The following KALRN variants were observed in gnomAD, a reference collection of about 807,000 sequenced individuals.
KALRN encodes the protein kalirin RhoGEF kinase, also known as kalirin.
A neutral mutation model predicts 353.7 loss-of-function variants in KALRN; 70 were observed. That is an observed-to-expected ratio of 0.20 (90% confidence interval 0.16 to 0.24). The LOEUF is 0.24. Ranked by LOEUF, KALRN falls within the 10% of genes least tolerant of loss-of-function variation. KALRN has a pLI of 1.00. For synonymous variants in KALRN, 1,391 were observed against 1,434.8 expected, an observed-to-expected ratio of 0.97 and a Z score of 0.69; for missense variants, 2,791 against 3,756.7, an observed-to-expected ratio of 0.74 and a Z score of 6.72.
chr3:124,235,705 C>G (rs1307783064), intron 3 of KALRN, among the ~76,000 whole-genome samples: 2 of 152,176 alleles, frequency 1.3e-5, no homozygotes, highest in African/African-American at 2.4e-5. Flanking sequence ...CCGGTGCTCT[C>G]TCACCATCTT....
At chr3:124,410,784 G>A (rs1163818894) in intron 13 of KALRN, among the ~76,000 whole-genome samples, 3 of 152,034 alleles carry the variant, frequency 2.0e-5, no homozygotes, top group Non-Finnish European at 4.4e-5. Flanking sequence ...GAAATCTGAT[G>A]GTTCCCTTAT....
chr3:124,257,734 GTGGCTGCCTTCTCCC>G (rs2072237047), intron 3 of KALRN, among the ~76,000 whole-genome samples: 1 of 152,218 alleles, frequency 6.6e-6, no homozygotes, highest in Admixed American at 6.5e-5. Flanking sequence ...AGACAGGGCA[GTGGCTGCCTTCTCCC>G]TCTCAAGTAG....
chr3:124,672,878 C>G (rs1275752909), intron 48 of KALRN, among the ~76,000 whole-genome samples: 1 of 152,190 alleles, frequency 6.6e-6, no homozygotes, highest in Admixed American at 6.5e-5. Flanking sequence ...GGAACACTTA[C>G]ATTTTTTATC....
At chr3:124,060,382 T>C (rs143982909) in intron 1 of KALRN, among the ~76,000 whole-genome samples, 1 of 152,340 alleles carries the variant, frequency 6.6e-6, no homozygotes, top group East Asian at 1.9e-4. Context: ...GGTGTTAATA[T>C]ATAAAATGCT....
intron 1 of KALRN, among the ~76,000 whole-genome samples, chr3:124,171,906 C>T (rs1325161040): frequency 6.6e-6 from 1 of 152,122 alleles, no homozygotes; most frequent in Non-Finnish European, 1.5e-5. Flanking sequence ...TAAGCTCTCT[C>T]TCCGCAGATC....
In KALRN at chr3:124,033,555, G is replaced by T. The variant is rs1238323326; in HGVS notation, c.-186G>T. The stretch of plus-strand genomic sequence containing the variant: ...CACCCCCAGCCCGCCGCGCGCCTCC[G>T]CCTGAGGGAGGCTCAGCGTCCTCTG... On this transcript the variant is annotated 5_prime_UTR_variant, in exon 1 of 60. Transcript: ENST00000682506. The surrounding 1 kb of genome is among the most constrained non-coding windows in gnomAD (Gnocchi z 6.2). 6.6e-6 allele frequency among the ~76,000 whole-genome samples: 1 copy of T among 151,508 alleles called. No homozygotes were observed. The highest frequency in any genetic ancestry group is 1.5e-5 in the Non-Finnish European group (1 of 67,788).
At chr3:124,229,265 G>A (rs533538334) in intron 2 of KALRN, among the ~76,000 whole-genome samples, 30 of 152,326 alleles carry the variant, frequency 2.0e-4, no homozygotes, top group African/African-American at 7.2e-4. Context: ...TGAAGCCAAA[G>A]ACTGGCCAGA....
chr3:124,709,936 G>C (rs1190205946), intron 57 of KALRN, among the ~76,000 whole-genome samples: 1 of 152,186 alleles, frequency 6.6e-6, no homozygotes, highest in Admixed American at 6.5e-5. Context: ...ATGAGGAAAA[G>C]GGGTCATGAA....
intron 29 of KALRN, among the ~76,000 whole-genome samples, chr3:124,490,356 G>A (rs968118318): frequency 6.6e-6 from 1 of 152,266 alleles, no homozygotes; most frequent in Non-Finnish European, 1.5e-5. Context: ...GTAGAAAGTT[G>A]TGGAGGACAA....
intron 55 of KALRN, 146 bp from the exon 56 acceptor site, chr3:124,699,723 C>G: frequency 2.8e-6 from 2 of 715,812 alleles, no homozygotes; most frequent in Non-Finnish European, 4.6e-6. Flanking sequence ...CCATAGTTAG[C>G]CTACAGGCTT....
chr3:124,339,299 C>T (rs553261668), intron 9 of KALRN, among the ~76,000 whole-genome samples: 1 of 152,008 alleles, frequency 6.6e-6, no homozygotes, highest in South Asian at 2.1e-4. Flanking sequence ...GTCTCTGGAC[C>T]CTCAGCTGGC....
intron 1 of KALRN, among the ~76,000 whole-genome samples, chr3:124,124,504 G>A (rs1488102531): frequency 6.6e-6 from 1 of 152,220 alleles, no homozygotes; most frequent in Non-Finnish European, 1.5e-5. Flanking sequence ...TGATAAAGCA[G>A]CAGCTGGTTT....
chr3:124,373,547 T>C (rs749037533), intron 10 of KALRN, among the ~76,000 whole-genome samples: 10 of 152,302 alleles, frequency 6.6e-5, no homozygotes, highest in East Asian at 5.8e-4. Context: ...AGCAGGGTTG[T>C]TCCTTCTGAG....
chr3:124,676,223 G>A (rs567462711), intron 49 of KALRN, among the ~76,000 whole-genome samples: 6 of 152,256 alleles, frequency 3.9e-5, no homozygotes, highest in South Asian at 2.1e-4. Flanking sequence ...ATGTCAGACC[G>A]AGCAAAAGAG....
intron 33 of KALRN, 79 bp from the exon 34 acceptor site, chr3:124,562,764 C>T: frequency 8.2e-7 from 1 of 1,217,882 alleles, no homozygotes; most frequent in Non-Finnish European, 1.1e-6. Context: ...TTCGTCCCCT[C>T]TCACCAACCC....
At position 124,033,572 on chromosome 3, in the gene KALRN, C is replaced by A. The variant is rs1228365198; in HGVS notation, c.-169C>A. The stretch of plus-strand genomic sequence containing the variant: ...GCGCCTCCGCCTGAGGGAGGCTCAG[C>A]GTCCTCTGCCCCAGCCCCGCCGCCC... On this transcript the variant is annotated 5_prime_UTR_variant, in exon 1 of 60. Coordinates refer to ENST00000682506, the MANE Select transcript of KALRN (RefSeq NM_001388419.1). This position sits in a 1 kb window ranked among gnomAD's most constrained non-coding sequence, Gnocchi z 6.2. Among the ~76,000 whole-genome samples the A allele has an allele frequency of 4.6e-5, 7 of 151,374 alleles. No individual in the cohort carries two copies. The highest frequency in any genetic ancestry group is 8.9e-5 in the Non-Finnish European group (6 of 67,738).
At chr3:124,103,922 C>T (rs113225584) in intron 1 of KALRN, among the ~76,000 whole-genome samples, 12 of 152,196 alleles carry the variant, frequency 7.9e-5, no homozygotes, top group Non-Finnish European at 1.5e-4. Context: ...CGCTACTGCA[C>T]TCTAGCCTGG....
At chr3:124,172,497 A>G (rs1431724231) in intron 1 of KALRN, among the ~76,000 whole-genome samples, 3 of 152,168 alleles carry the variant, frequency 2.0e-5, no homozygotes, top group Non-Finnish European at 4.4e-5. Context: ...CATGGGTGTA[A>G]GATTTGGATA....
At chr3:124,335,019 T>C (rs1056633445) in intron 9 of KALRN, among the ~76,000 whole-genome samples, 3 of 152,224 alleles carry the variant, frequency 2.0e-5, no homozygotes, top group African/African-American at 7.2e-5. Flanking sequence ...GGTCTTGAAC[T>C]CCTGACTTCA....
Sources: gnomAD v4.1 joint callset for allele counts (sites outside exome capture counted in the v4.1 genomes callset) on GRCh38, gnomAD v4.1.1 for gene constraint, Gnocchi (gnomAD v3.1) non-coding constraint, MANE v1.5 for transcripts, NCBI Gene and HGNC (gene_info 2026-07-23, HGNC 2026-07-21) for gene names.